CLYBL: variants seen among roughly 807,000 people sequenced by gnomAD.
CLYBL encodes the protein citramalyl-CoA lyase, mitochondrial.
In CLYBL, 31 loss-of-function variants were observed where a neutral mutation model predicts 38.9. The observed-to-expected ratio is 0.80, with a 90% confidence interval of 0.60 to 1.08. The LOEUF (loss-of-function observed/expected upper bound fraction) is 1.08, where lower values mean the gene tolerates loss of function less well. CLYBL is among the 50% of genes least tolerant of loss of function. The probability of loss-of-function intolerance (pLI) is 0.00; values close to 1 mark genes in which losing one functional copy is unlikely to be tolerated. For synonymous variants in CLYBL, 171 were observed against 158.6 expected, an observed-to-expected ratio of 1.08 and a Z score of -0.59; for missense variants, 434 against 411.6, an observed-to-expected ratio of 1.05 and a Z score of -0.47.
intron 1 of CLYBL, among the ~76,000 whole-genome samples, chr13:99,609,169 GTTTTTTTT>G (rs58873910): frequency 2.2e-5 from 1 of 45,780 alleles, no homozygotes; most frequent in African/African-American, 9.4e-5. Context: ...ACCTGTCTTT[GTTTTTTTT>G]TTTTTTTTTT....
At chr13:99,672,481 A>G (rs11840467) in intron 1 of CLYBL, among the ~76,000 whole-genome samples, 2,449 of 152,036 alleles carry the variant, frequency 0.016, 64 homozygotes, top group African/African-American at 0.056. Flanking sequence ...TCTATAATAA[A>G]TATTATACAG....
chr13:99,673,083 A>C (rs55880254), intron 1 of CLYBL, among the ~76,000 whole-genome samples: 45,079 of 151,962 alleles, frequency 0.3, 8,009 homozygotes, highest in Middle Eastern at 0.43. Context: ...GTCATGGAGA[A>C]TTTTAGAAAG....
downstream of CLYBL, among the ~76,000 whole-genome samples, chr13:99,898,179 C>T (rs956202466): frequency 5.3e-5 from 8 of 152,134 alleles, no homozygotes; most frequent in African/African-American, 1.7e-4. Context: ...GTTTACATAA[C>T]GCCAAATAGC....
chr13:99,610,955 T>G (rs2046616918), intron 1 of CLYBL, among the ~76,000 whole-genome samples: 1 of 152,142 alleles, frequency 6.6e-6, no homozygotes, highest in South Asian at 2.1e-4. Flanking sequence ...AAGCTCTGAG[T>G]CAGGTCAATT....
chr13:99,779,429 C>T lies in CLYBL; in HGVS notation c.249+6419C>T, dbSNP rs563370845. Among the ~76,000 whole-genome samples, 9 of 152,272 alleles carry T rather than the reference C, an allele frequency of 5.9e-5. No individual in the cohort carries two copies. The East Asian group carries it at 1.2e-3, about 20-fold the overall frequency. On this transcript the variant is annotated intron_variant, in intron 2 of 8. Coordinates refer to ENST00000339105, the MANE Select transcript of CLYBL (RefSeq NM_206808.5). ...TGCAGGGATTACAGGCGCGAGCCAC[C>T]GTGCCTGGCCAGTTCTGAGTATTTT...
Position 99,840,788 on chromosome 13 carries a change from A to G in CLYBL, c.250-18073A>G, listed in dbSNP as rs529578352. On this transcript the variant is annotated intron_variant, in intron 2 of 8. Coordinates refer to ENST00000339105, the MANE Select transcript of CLYBL (RefSeq NM_206808.5). Reference sequence around the variant, plus strand: ...AAAAAAAAAAAAAAAAAAGGGTTACATATGCATATGAAAAAAGGCAGAAAA... The same window carrying G: ...AAAAAAAAAAAAAAAAAAGGGTTACGTATGCATATGAAAAAAGGCAGAAAA... Among the ~76,000 whole-genome samples, 4 of 147,298 alleles carry G rather than the reference A, an allele frequency of 2.7e-5. No homozygotes were observed. The South Asian group carries it at 8.6e-4, about 32-fold the overall frequency.
chr13:99,809,604 G>A (rs544591003), intron 2 of CLYBL, among the ~76,000 whole-genome samples: 14 of 152,356 alleles, frequency 9.2e-5, no homozygotes, highest in African/African-American at 2.4e-4. Flanking sequence ...ATCCTGAAGC[G>A]AAGAAAGGGA....
intron 1 of CLYBL, among the ~76,000 whole-genome samples, chr13:99,713,850 AT>A (rs1222684226): frequency 6.6e-6 from 1 of 151,056 alleles, no homozygotes; most frequent in Non-Finnish European, 1.5e-5. Context: ...TACCTGGCTA[AT>A]TTTTAAATAT....
chr13:99,840,203 G>T (rs539526087), intron 2 of CLYBL, among the ~76,000 whole-genome samples: 2 of 150,962 alleles, frequency 1.3e-5, no homozygotes, highest in East Asian at 3.9e-4. Context: ...CTCTGTCCTT[G>T]TGGTCCTCAT....
intron 2 of CLYBL, among the ~76,000 whole-genome samples, chr13:99,851,587 C>T (rs2051333561): frequency 6.6e-6 from 1 of 152,100 alleles, no homozygotes; most frequent in Non-Finnish European, 1.5e-5. Flanking sequence ...GGATTCTCAA[C>T]ATCATTAGTC....
At chr13:99,841,223 C>T (rs142749180) in intron 2 of CLYBL, among the ~76,000 whole-genome samples, 93 of 152,082 alleles carry the variant, frequency 6.1e-4, no homozygotes, top group African/African-American at 2.0e-3. Context: ...GCACGGCGCA[C>T]GGAGGAAAGT....
chr13:99,723,957 A>G (rs1473893160), intron 1 of CLYBL, among the ~76,000 whole-genome samples: 3 of 152,120 alleles, frequency 2.0e-5, no homozygotes, highest in African/African-American at 4.8e-5. Context: ...CCTCCGTGTC[A>G]CTTGGCTGTC....
intron 1 of CLYBL, among the ~76,000 whole-genome samples, chr13:99,748,430 T>TG (rs1036483067): frequency 2.4e-4 from 8 of 33,330 alleles, no homozygotes; most frequent in South Asian, 2.4e-3. Flanking sequence ...TAGTTTTGTG[T>TG]TTTTTTTTTT....
At position 99,866,318 on chromosome 13, in the gene CLYBL, T is replaced by A. The variant is rs1481571456; in HGVS notation, c.713T>A (p.Leu238His). ...GTTGTCATAGCGAAAGCCTTTGGTC[T>A]CCAAGCCATAGATCTGGTGTACATT... The part of the protein sequence containing the change: ...KIVVIAKAFG[L>H]QAIDLVYIDF... The change falls in exon 6 of 9, where the codon CTC becomes CAC. Residue 238 changes from leucine (L) to histidine (H), a missense_variant. By Grantham distance (99) the Leu-to-His change is moderately conservative. Transcript: ENST00000339105. 1 of 1,613,988 alleles carries A rather than the reference T, an allele frequency of 6.2e-7. No individual in the cohort carries two copies. Among genetic ancestry groups the A allele is most frequent in the Non-Finnish European group, 8.5e-7 (1 of 1,180,012 alleles).
At chr13:99,649,638 C>T (rs557641654) in intron 1 of CLYBL, among the ~76,000 whole-genome samples, 3 of 150,026 alleles carry the variant, frequency 2.0e-5, no homozygotes, top group Admixed American at 6.6e-5. Flanking sequence ...GGCCAAATCA[C>T]GCAGACTGCT....
chr13:99,712,263 G>A (rs1477644478), intron 1 of CLYBL, among the ~76,000 whole-genome samples: 1 of 151,740 alleles, frequency 6.6e-6, no homozygotes, highest in Admixed American at 6.6e-5. Flanking sequence ...GTTCACAGCT[G>A]AGCCATACGG....
intron 1 of CLYBL, among the ~76,000 whole-genome samples, chr13:99,721,685 G>C (rs2048395744): frequency 7.5e-6 from 1 of 133,938 alleles, no homozygotes; most frequent in Non-Finnish European, 1.5e-5. Context: ...TACTGTTCTT[G>C]TGTCACTTTA....
At chr13:99,753,646 A>G (rs1018829817) in intron 1 of CLYBL, among the ~76,000 whole-genome samples, 3 of 152,214 alleles carry the variant, frequency 2.0e-5, no homozygotes, top group Non-Finnish European at 2.9e-5. Context: ...CTTAGAATTT[A>G]TTGTGCTGTT....
At chr13:99,904,285 A>G (rs958621053) in intron 8 of CLYBL, among the ~76,000 whole-genome samples, 1 of 152,212 alleles carries the variant, frequency 6.6e-6, no homozygotes, top group African/African-American at 2.4e-5. Flanking sequence ...AGCCAGACAG[A>G]ACTCCCAGAC....
Sources: gnomAD v4.1 joint callset for allele counts (sites outside exome capture counted in the v4.1 genomes callset) on GRCh38, gnomAD v4.1.1 for gene constraint, MANE v1.5 for transcripts, NCBI Gene and HGNC (gene_info 2026-07-23, HGNC 2026-07-21) for gene names.